Variants in SDCCAG8 observed in about 807,000 individuals in gnomAD.
The protein encoded by SDCCAG8 is serologically defined colon cancer antigen 8.
Under a neutral mutation model 101.8 loss-of-function variants are expected in SDCCAG8, and 74 were observed. The ratio of observed to expected loss-of-function variants is 0.73; its 90% CI spans 0.60 to 0.88. The LOEUF is 0.88. Ranked by LOEUF, SDCCAG8 falls within the 40% of genes least tolerant of loss-of-function variation. The pLI, the probability that SDCCAG8 is intolerant of heterozygous loss-of-function variation, is 0.00. For missense variants in SDCCAG8, 787 were observed against 822.6 expected, an observed-to-expected ratio of 0.96 and a Z score of 0.53; for synonymous variants, 281 against 292.9, an observed-to-expected ratio of 0.96 and a Z score of 0.41.
At chr1:243,267,253 AAAAG>A (rs2067690140) in intron 1 of SDCCAG8, 1 of 195,566 alleles carries the variant, frequency 5.1e-6, no homozygotes, top group Non-Finnish European at 1.0e-5. Flanking sequence ...AAAAAAAAAA[AAAAG>A]AAATATACAT....
chr1:243,417,296 C>T (rs2080658163), intron 14 of SDCCAG8, among the ~76,000 whole-genome samples: 1 of 152,184 alleles, frequency 6.6e-6, no homozygotes. Flanking sequence ...AATCTAAGCA[C>T]TAGATTAGAA....
chr1:243,492,555 TAGCCTCCTA>T (rs1666768588), intron 17 of SDCCAG8, among the ~76,000 whole-genome samples: 1 of 150,844 alleles, frequency 6.6e-6, no homozygotes, highest in Non-Finnish European at 1.5e-5. Context: ...CCGCCCACCT[TAGCCTCCTA>T]AAGTGCTGGG....
At chr1:243,496,689 G>C (rs1248850924) in intron 17 of SDCCAG8, among the ~76,000 whole-genome samples, 1 of 152,250 alleles carries the variant, frequency 6.6e-6, no homozygotes, top group Non-Finnish European at 1.5e-5. Flanking sequence ...TGGCTGGTTT[G>C]GGAACAAAGC....
intron 13 of SDCCAG8, among the ~76,000 whole-genome samples, chr1:243,407,827 C>A (rs2079890917): frequency 6.6e-6 from 1 of 152,234 alleles, no homozygotes; most frequent in African/African-American, 2.4e-5. Flanking sequence ...AAGTAATTTA[C>A]TCCAGGAAAT....
At chr1:243,331,057 T>C (rs2074555015) in intron 10 of SDCCAG8, among the ~76,000 whole-genome samples, 1 of 152,210 alleles carries the variant, frequency 6.6e-6, no homozygotes, top group Non-Finnish European at 1.5e-5. Flanking sequence ...TGACTTCCCC[T>C]GCATTATCTC....
chr1:243,480,638 T>TGG (rs1171200103), intron 16 of SDCCAG8, among the ~76,000 whole-genome samples: 8 of 32,086 alleles, frequency 2.5e-4, no homozygotes, highest in African/African-American at 4.0e-4. Context: ...GATGGATGGG[T>TGG]GTGATGGATG....
intron 13 of SDCCAG8, among the ~76,000 whole-genome samples, chr1:243,392,888 G>A (rs866578065): frequency 9.9e-5 from 15 of 152,180 alleles, no homozygotes; most frequent in African/African-American, 3.6e-4. Context: ...TGTTAACGGA[G>A]AATTAACTTC....
Position 243,293,049 on chromosome 1 carries a change from A to G in SDCCAG8, c.547-42A>G, listed in dbSNP as rs747584797. The G allele has an allele frequency of 2.5e-6, 4 of 1,611,492 alleles. No homozygotes were observed. The South Asian group carries it at 3.3e-5, about 13-fold the overall frequency. ...ATTTGTAAAATATGCATGTTTATTT[A>G]AAGTTGAATTCAGTTGCAGTTACTG... is the stretch of plus-strand genomic sequence containing the variant. On this transcript the variant is annotated intron_variant, in intron 5 of 17. Coordinates refer to ENST00000366541, the MANE Select transcript of SDCCAG8 (RefSeq NM_006642.5).
chr1:243,263,213 T>G (rs1486301877), intron 1 of SDCCAG8, among the ~76,000 whole-genome samples: 1 of 152,212 alleles, frequency 6.6e-6, no homozygotes, highest in Non-Finnish European at 1.5e-5. Context: ...AAAACTGTCT[T>G]GTTTTATTGA....
chr1:243,484,776 T>G (rs1052354638), intron 16 of SDCCAG8, among the ~76,000 whole-genome samples: 8 of 152,170 alleles, frequency 5.3e-5, no homozygotes, highest in Non-Finnish European at 8.8e-5. Context: ...CCGGGCGCGG[T>G]GGCTCACGCC....
At position 243,415,788 on chromosome 1, in the gene SDCCAG8, C is replaced by T. The variant is rs751089162; in HGVS notation, c.1703C>T (p.Thr568Ile). 1 of 1,613,680 alleles carries T rather than the reference C, an allele frequency of 6.2e-7. No individual in the cohort carries two copies. The highest frequency in any genetic ancestry group is 8.5e-7 in the Non-Finnish European group (1 of 1,179,746). Residue 568 changes from threonine (T) to isoleucine (I), a missense_variant, in exon 14 of 18, where the codon ACA (threonine) becomes ATA (isoleucine). By Grantham distance (89) the Thr-to-Ile change is moderately conservative. Transcript: ENST00000366541. ...GCCCAGCAAAGAGAGCAGGAGCTGA[C>T]ACAGAAGATACAGCAAATGGAGGCC... ...LQAQQREQEL[T>I]QKIQQMEAQH... is the part of the protein sequence containing the mutation.
chr1:243,284,464 C>T (rs1489908626), intron 4 of SDCCAG8, among the ~76,000 whole-genome samples: 5 of 152,142 alleles, frequency 3.3e-5, no homozygotes, highest in Non-Finnish European at 2.9e-5. Flanking sequence ...TAGAGGGAAG[C>T]GTTCAATAGT....
intron 16 of SDCCAG8, among the ~76,000 whole-genome samples, chr1:243,466,728 T>C (rs1223538451): frequency 6.6e-6 from 1 of 152,224 alleles, no homozygotes; most frequent in African/African-American, 2.4e-5. Context: ...TGGGAGGTGA[T>C]GTTACACAGG....
chr1:243,393,233 A>T (rs966053118), intron 13 of SDCCAG8, among the ~76,000 whole-genome samples: 4 of 152,144 alleles, frequency 2.6e-5, no homozygotes, highest in Admixed American at 6.6e-5. Context: ...TGGGGTAAGG[A>T]TGGTAGCCGG....
intron 16 of SDCCAG8, among the ~76,000 whole-genome samples, chr1:243,472,080 T>G (rs968572374): frequency 1.3e-5 from 2 of 152,182 alleles, no homozygotes; most frequent in African/African-American, 4.8e-5. Context: ...GAAGGCTCTT[T>G]GGACATTTCA....
At chr1:243,345,271 A>G (rs1434664182) in intron 12 of SDCCAG8, among the ~76,000 whole-genome samples, 1 of 152,218 alleles carries the variant, frequency 6.6e-6, no homozygotes, top group African/African-American at 2.4e-5. Context: ...TTGAAAATGA[A>G]AGTGATAATG....
intron 12 of SDCCAG8, among the ~76,000 whole-genome samples, chr1:243,352,515 C>T (rs2076135257): frequency 1.3e-5 from 2 of 152,148 alleles, no homozygotes; most frequent in African/African-American, 2.4e-5. Flanking sequence ...CTGGTAGCTA[C>T]CAGGTAGTGA....
At chr1:243,285,524 AATT>A (rs1158085140) in intron 4 of SDCCAG8, among the ~76,000 whole-genome samples, 1 of 152,230 alleles carries the variant, frequency 6.6e-6, no homozygotes, top group East Asian at 1.9e-4. Context: ...AAAAAATAAT[AATT>A]GAGAGGAATT....
intron 16 of SDCCAG8, among the ~76,000 whole-genome samples, chr1:243,476,931 GA>G (rs1662522900): frequency 6.6e-6 from 1 of 151,762 alleles, no homozygotes; most frequent in East Asian, 1.9e-4. Flanking sequence ...TTATCCTTAG[GA>G]AATACACACT....
Sources: allele counts gnomAD v4.1 joint callset (sites outside exome capture counted in the v4.1 genomes callset), GRCh38; gene constraint gnomAD v4.1.1; transcripts MANE v1.5; gene names NCBI Gene and HGNC (gene_info 2026-07-23, HGNC 2026-07-21).